SORBS2: variants seen among roughly 807,000 people sequenced by gnomAD.
The protein encoded by SORBS2 is sorbin and SH3 domain-containing protein 2.
A neutral mutation model predicts 97.7 loss-of-function variants in SORBS2; 46 were observed. The observed-to-expected ratio is 0.47, with a 90% CI of 0.37 to 0.60. The LOEUF (loss-of-function observed/expected upper bound fraction) is 0.60. Among genes scored for constraint, SORBS2 ranks in the 20% least tolerant of loss-of-function variants. SORBS2 has a pLI of 0.00. For missense variants in SORBS2, 1,316 were observed against 1,282.3 expected, an observed-to-expected ratio of 1.03 and a Z score of -0.40; for synonymous variants, 476 against 473.4, an observed-to-expected ratio of 1.01 and a Z score of -0.07.
chr4:185,913,753 A>G (rs28501584), intron 1 of SORBS2, among the ~76,000 whole-genome samples: 1 of 152,174 alleles, frequency 6.6e-6, no homozygotes, highest in Non-Finnish European at 1.5e-5. Context: ...GGATTTTAGG[A>G]TGTATGAATG....
At chr4:185,729,503 T>C (rs538464258) in intron 2 of SORBS2, among the ~76,000 whole-genome samples, 2 of 152,338 alleles carry the variant, frequency 1.3e-5, no homozygotes, top group East Asian at 3.9e-4. Context: ...CACTGTCCAG[T>C]CTAGTGATGA....
Position 185,589,594 on chromosome 4 carries a change from C to G in SORBS2, c.2953+85G>C. On this transcript the variant is annotated intron_variant, in intron 14 of 14. Transcript: ENST00000418609. ...AGGCATTACGAATTCAAAGGAAGCT[C>G]GGCCATCACAGCAAACCACGGGAGT... 3.9e-6 allele frequency: 3 copies of G among 777,054 alleles called. No homozygotes were observed. In the Admixed American group the frequency reaches 5.3e-5, roughly 14 times the overall value. 48.1% of individuals were successfully genotyped at this position (777,054 alleles called of 1,614,324 possible).
intron 1 of SORBS2, among the ~76,000 whole-genome samples, chr4:185,779,021 G>A (rs2099014455): frequency 1.3e-5 from 2 of 152,228 alleles, no homozygotes; most frequent in Non-Finnish European, 2.9e-5. Flanking sequence ...TGAGCGTTGT[G>A]TGTTTCACAG....
intron 4 of SORBS2, among the ~76,000 whole-genome samples, chr4:185,668,538 T>G (rs1362672199): frequency 5.3e-5 from 8 of 152,176 alleles, no homozygotes; most frequent in Non-Finnish European, 7.4e-5. Flanking sequence ...AAAAAAGCTT[T>G]GACAAGACCC....
intron 1 of SORBS2, chr4:185,956,093 G>A (rs2099279403): frequency 6.6e-6 from 1 of 152,126 alleles, no homozygotes; most frequent in Admixed American, 6.6e-5. Context: ...CTGAGAACAG[G>A]AACAAAGCAT....
intron 2 of SORBS2, among the ~76,000 whole-genome samples, chr4:185,689,473 G>A (rs1396657024): frequency 1.3e-5 from 2 of 152,146 alleles, no homozygotes; most frequent in African/African-American, 4.8e-5. Flanking sequence ...TTTGTGTGGT[G>A]CATATGCAGG....
In SORBS2 at chr4:185,678,834, A is replaced by G. The variant is rs1431902160; in HGVS notation, c.-197-12T>C. ...CTGAGAATCACGCCCTGAAAGAAAA[A>G]AAAATGTTGAAATTAAGACTAAGGT... is the stretch of plus-strand genomic sequence containing the variant. On this transcript the variant is annotated splice_polypyrimidine_tract_variant and intron_variant, in intron 2 of 20. Transcript: ENST00000284776. 1.6e-5 allele frequency: 23 copies of G among 1,441,636 alleles called. No individual in the cohort carries two copies. Among genetic ancestry groups the G allele is most frequent in the Non-Finnish European group, 1.7e-5 (18 of 1,087,526 alleles). 89.3% of individuals were successfully genotyped at this position (1,441,636 alleles called of 1,614,324 possible). A position where few individuals can be genotyped will look rare whatever the true frequency, so the allele number is the denominator to read the frequency against.
chr4:185,874,439 C>T (rs1292349973), intron 1 of SORBS2, among the ~76,000 whole-genome samples: 1 of 152,150 alleles, frequency 6.6e-6, no homozygotes, highest in African/African-American at 2.4e-5. Context: ...TCTTGTTCAG[C>T]ACCTGGAACA....
chr4:185,812,334 A>G (rs1483760555), intron 1 of SORBS2, 140 bp from the exon 1 acceptor site: 1 of 152,202 alleles, frequency 6.6e-6, no homozygotes, highest in Non-Finnish European at 1.5e-5. Context: ...TGTGCAGCAC[A>G]CTCACACAGC....
intron 1 of SORBS2, among the ~76,000 whole-genome samples, chr4:185,800,126 C>G (rs2099123265): frequency 1.3e-5 from 2 of 152,090 alleles, no homozygotes; most frequent in African/African-American, 4.8e-5. Context: ...CCTGGGGAGG[C>G]AGAGGTTGCA....
intron 2 of SORBS2, among the ~76,000 whole-genome samples, chr4:185,717,821 T>C (rs1322213420): frequency 6.6e-6 from 1 of 152,268 alleles, no homozygotes; most frequent in Non-Finnish European, 1.5e-5. Context: ...ACACAACTCT[T>C]CTGCTTATTA....
rs1013038194 is a variant in SORBS2, at chr4:185,646,657, C to T, written c.396+11G>A. The T allele has an allele frequency of 6.4e-7, 1 of 1,553,032 alleles. No individual in the cohort carries two copies. The highest frequency in any genetic ancestry group is 1.4e-5 in the African/African-American group (1 of 73,870). ...CGAGCTGGCATATTCTGTTTAATGACAAGTGCTTACTGGTCTTTCATGCTG... is the reference window on the plus strand; with the variant it reads ...CGAGCTGGCATATTCTGTTTAATGATAAGTGCTTACTGGTCTTTCATGCTG... On this transcript the variant is annotated intron_variant, in intron 4 of 14. Coordinates refer to ENST00000418609, the Ensembl canonical transcript of SORBS2.
intron 5 of SORBS2, among the ~76,000 whole-genome samples, chr4:185,629,666 G>A (rs113229672): frequency 0.045 from 6,846 of 150,692 alleles, 500 homozygotes; most frequent in African/African-American, 0.16. Flanking sequence ...AGGCTCAAGC[G>A]ATTCTTCTGC....
chr4:185,813,409 G>A (rs993653899), intron 1 of SORBS2, among the ~76,000 whole-genome samples: 3 of 152,126 alleles, frequency 2.0e-5, no homozygotes, highest in Non-Finnish European at 4.4e-5. Flanking sequence ...AGCCACCCAG[G>A]GTCAGCGTAT....
chr4:185,926,913 A>G (rs1421245368), intron 1 of SORBS2, among the ~76,000 whole-genome samples: 1 of 152,016 alleles, frequency 6.6e-6, no homozygotes, highest in Admixed American at 6.6e-5. Flanking sequence ...CTTAACCAGC[A>G]GAAGAAACCT....
intron 4 of SORBS2, among the ~76,000 whole-genome samples, chr4:185,674,305 C>A (rs1231092325): frequency 6.6e-6 from 1 of 152,200 alleles, no homozygotes; most frequent in Non-Finnish European, 1.5e-5. Flanking sequence ...TCAACCTTGA[C>A]TTTTCTCTTC....
chr4:185,712,738 T>C (rs2098434783), intron 2 of SORBS2, among the ~76,000 whole-genome samples: 1 of 152,180 alleles, frequency 6.6e-6, no homozygotes, highest in African/African-American at 2.4e-5. Flanking sequence ...CCAGCGCTCA[T>C]GCACGCCAGC....
intron 1 of SORBS2, among the ~76,000 whole-genome samples, chr4:185,888,947 T>C (rs1433146563): frequency 6.6e-6 from 1 of 152,228 alleles, no homozygotes; most frequent in Non-Finnish European, 1.5e-5. Flanking sequence ...GCCTTCCAAA[T>C]TGCCAGTGCA....
At chr4:185,711,971 C>T (rs2098424557) in intron 2 of SORBS2, among the ~76,000 whole-genome samples, 1 of 152,104 alleles carries the variant, frequency 6.6e-6, no homozygotes, top group Non-Finnish European at 1.5e-5. Flanking sequence ...ACACTGACAT[C>T]ATATTTGACT....
Sources: gnomAD v4.1 joint callset for allele counts (sites outside exome capture counted in the v4.1 genomes callset) on GRCh38, gnomAD v4.1.1 for gene constraint, MANE v1.5 for transcripts, NCBI Gene and HGNC (gene_info 2026-07-23, HGNC 2026-07-21) for gene names.